The following GPC6 variants were observed in gnomAD, a reference collection of about 807,000 sequenced individuals.
The protein encoded by GPC6 is glypican-6.
GPC6 carries 14 observed loss-of-function variants against 55.2 expected under a neutral mutation model. The ratio of observed to expected loss-of-function variants is 0.25; its 90% CI spans 0.17 to 0.40. The LOEUF (loss-of-function observed/expected upper bound fraction) is 0.40. GPC6 is among the 10% of genes least tolerant of loss of function. GPC6 has a pLI of 1.00. For missense variants in GPC6, 641 were observed against 708.5 expected (o/e 0.90, Z 1.08); for synonymous variants, 278 against 259.6 (o/e 1.07, Z -0.68).
chr13:93,597,758 T>C (rs1231116814), intron 2 of GPC6, among the ~76,000 whole-genome samples: 1 of 152,202 alleles, frequency 6.6e-6, no homozygotes, highest in Non-Finnish European at 1.5e-5. Context: ...GAAAATATAG[T>C]ACATATAATT....
At chr13:94,222,934 C>T (rs942353482) in intron 4 of GPC6, among the ~76,000 whole-genome samples, 1 of 152,062 alleles carries the variant, frequency 6.6e-6, no homozygotes, top group South Asian at 2.1e-4. Flanking sequence ...TTAAAGCTCC[C>T]ATCTTCCATC....
chr13:93,578,373 T>C (rs1320515550), intron 2 of GPC6, among the ~76,000 whole-genome samples: 1 of 152,000 alleles, frequency 6.6e-6, no homozygotes, highest in Non-Finnish European at 1.5e-5. Context: ...TTCAGTCTTG[T>C]TATTTATTAT....
intron 3 of GPC6, among the ~76,000 whole-genome samples, chr13:93,900,810 A>T (rs987713953): frequency 2.0e-5 from 3 of 152,078 alleles, no homozygotes; most frequent in African/African-American, 4.8e-5. Context: ...AAAAATAAAT[A>T]AAAAATTTTA....
Position 93,279,472 on chromosome 13 carries a change from G to A in GPC6, c.160+51856G>A, listed in dbSNP as rs185114373. On this transcript the variant is annotated intron_variant, in intron 1 of 8. Transcript: ENST00000377047. The stretch of plus-strand genomic sequence containing the variant: ...TTTGTTCAGATTCTGCCATAAAATA[G>A]CTTCTTGAACCTTATTTCCAATATT... Among the ~76,000 whole-genome samples, 183 of 152,314 alleles carry A rather than the reference G, an allele frequency of 1.2e-3. 1 individual carries two copies. The highest frequency in any genetic ancestry group is 3.4e-3 in the African/African-American group (142 of 41,570).
chr13:93,948,092 T>C (rs1879094157), intron 3 of GPC6, among the ~76,000 whole-genome samples: 1 of 152,204 alleles, frequency 6.6e-6, no homozygotes, highest in Non-Finnish European at 1.5e-5. Context: ...ACAATAAAGT[T>C]ACTCATCAGT....
At chr13:93,554,947 G>A (rs1490612888) in intron 2 of GPC6, among the ~76,000 whole-genome samples, 2 of 152,020 alleles carry the variant, frequency 1.3e-5, no homozygotes, top group African/African-American at 4.8e-5. Context: ...ACTATATATA[G>A]TAGTTTACAG....
intron 2 of GPC6, among the ~76,000 whole-genome samples, chr13:93,575,390 T>G (rs562294192): frequency 3.3e-5 from 5 of 152,296 alleles, no homozygotes; most frequent in African/African-American, 1.2e-4. Flanking sequence ...CTTAATGTAG[T>G]GTTTCTAAAA....
intron 4 of GPC6, among the ~76,000 whole-genome samples, chr13:94,118,700 C>G (rs578183241): frequency 1.1e-3 from 163 of 152,202 alleles, no homozygotes; most frequent in African/African-American, 3.9e-3. Flanking sequence ...CCTTCTTTAG[C>G]TATAGCCACC....
intron 3 of GPC6, among the ~76,000 whole-genome samples, chr13:93,889,871 G>T (rs1293029888): frequency 6.6e-6 from 1 of 151,982 alleles, no homozygotes; most frequent in Non-Finnish European, 1.5e-5. Context: ...ATATGCAAAG[G>T]TGTATTTCTA....
At chr13:94,281,193 A>G (rs908120268) in intron 4 of GPC6, among the ~76,000 whole-genome samples, 6 of 152,082 alleles carry the variant, frequency 3.9e-5, no homozygotes, top group African/African-American at 1.4e-4. Flanking sequence ...AAATTTTTTA[A>G]ATTTTACTTT....
chr13:94,331,807 C>G (rs1877434732), intron 6 of GPC6, among the ~76,000 whole-genome samples: 1 of 152,146 alleles, frequency 6.6e-6, no homozygotes, highest in African/African-American at 2.4e-5. Context: ...ATTTGGGTAC[C>G]AGTCTTTTTC....
At chr13:93,731,091 A>C (rs17189180) in intron 2 of GPC6, among the ~76,000 whole-genome samples, 31,536 of 152,012 alleles carry the variant, frequency 0.21, 3,835 homozygotes, top group Admixed American at 0.26. Flanking sequence ...TGTGGGATAC[A>C]GTGGGATACA....
At chr13:93,620,266 A>T (rs1445332464) in intron 2 of GPC6, among the ~76,000 whole-genome samples, 2 of 152,212 alleles carry the variant, frequency 1.3e-5, no homozygotes, top group Non-Finnish European at 2.9e-5. Context: ...AGTCAGTGTA[A>T]CTGATTAACA....
intron 1 of GPC6, among the ~76,000 whole-genome samples, chr13:93,230,451 A>C (rs1326382819): frequency 6.6e-6 from 1 of 152,130 alleles, no homozygotes; most frequent in Non-Finnish European, 1.5e-5. Flanking sequence ...TTCACTCAGC[A>C]CTGATTTTAA....
intron 2 of GPC6, among the ~76,000 whole-genome samples, chr13:93,595,962 A>G (rs1877709600): frequency 1.3e-5 from 2 of 152,210 alleles, no homozygotes; most frequent in African/African-American, 4.8e-5. Context: ...GAATATGTAC[A>G]TTCACTAAAT....
chr13:93,959,917 C>A (rs560354405), intron 3 of GPC6, among the ~76,000 whole-genome samples: 1 of 152,250 alleles, frequency 6.6e-6, no homozygotes, highest in East Asian at 1.9e-4. Flanking sequence ...CCAGATAATC[C>A]AATTTCCTTT....
At chr13:93,883,298 A>G (rs540372359) in intron 3 of GPC6, among the ~76,000 whole-genome samples, 1 of 151,992 alleles carries the variant, frequency 6.6e-6, no homozygotes, top group South Asian at 2.1e-4. Flanking sequence ...CCAAGTTTTC[A>G]CAGCCTTTAC....
intron 2 of GPC6, among the ~76,000 whole-genome samples, chr13:93,822,719 A>G (rs1176875943): frequency 6.6e-6 from 1 of 150,428 alleles, no homozygotes; most frequent in African/African-American, 2.4e-5. Flanking sequence ...CTCTTGTGTT[A>G]GTTTGCTGAG....
chr13:94,152,164 C>A (rs1887765151), intron 4 of GPC6, among the ~76,000 whole-genome samples: 1 of 152,186 alleles, frequency 6.6e-6, no homozygotes, highest in Non-Finnish European at 1.5e-5. Context: ...GTTTTGGAAG[C>A]TCCCCTGAGC....
Sources: allele counts gnomAD v4.1 joint callset (sites outside exome capture counted in the v4.1 genomes callset), GRCh38; gene constraint gnomAD v4.1.1; transcripts MANE v1.5; gene names NCBI Gene and HGNC (gene_info 2026-07-23, HGNC 2026-07-21).